ROBO1: variants seen among roughly 807,000 people sequenced by gnomAD.
ROBO1 encodes the protein roundabout homolog 1.
A neutral mutation model predicts 195.9 loss-of-function variants in ROBO1; 149 were observed. The observed-to-expected ratio is 0.76, with a 90% CI of 0.67 to 0.87. The LOEUF is 0.87. Among genes scored for constraint, ROBO1 ranks in the 40% least tolerant of loss-of-function variants. ROBO1 has a pLI of 0.00. For missense variants in ROBO1, 1,933 were observed against 2,068.3 expected (o/e 0.93, Z 1.27); for synonymous variants, 816 against 733.2 (o/e 1.11, Z -1.82).
chr3:78,889,116 G>A (rs1249645302), intron 4 of ROBO1, among the ~76,000 whole-genome samples: 1 of 152,094 alleles, frequency 6.6e-6, no homozygotes, highest in Non-Finnish European at 1.5e-5. Flanking sequence ...AAACTATTAG[G>A]ACACATTAAG....
At chr3:79,664,794 T>C (rs933708576) in intron 1 of ROBO1, among the ~76,000 whole-genome samples, 7 of 151,970 alleles carry the variant, frequency 4.6e-5, no homozygotes, top group African/African-American at 1.7e-4. Flanking sequence ...TCCGTGGAAG[T>C]GAAAACTAAC....
At chr3:79,001,983 AAC>A (rs1470616692) in intron 3 of ROBO1, among the ~76,000 whole-genome samples, 2 of 152,160 alleles carry the variant, frequency 1.3e-5, no homozygotes, top group Admixed American at 6.6e-5. Flanking sequence ...TCAATCAACA[AAC>A]AGTTATGGAG....
intron 4 of ROBO1, among the ~76,000 whole-genome samples, chr3:78,796,161 TA>T (rs1239482385): frequency 5.9e-5 from 1 of 16,820 alleles, no homozygotes; most frequent in African/African-American, 2.6e-4. Flanking sequence ...TTAAATAAAG[TA>T]ATTTAGGTAC....
intron 3 of ROBO1, among the ~76,000 whole-genome samples, chr3:79,064,279 T>C (rs1359783281): frequency 6.6e-6 from 1 of 151,938 alleles, no homozygotes; most frequent in Non-Finnish European, 1.5e-5. Context: ...TTTTTCAGTA[T>C]TCCACAGAGA....
chr3:78,748,389 G>A (rs549601641), intron 4 of ROBO1, among the ~76,000 whole-genome samples: 2 of 152,122 alleles, frequency 1.3e-5, no homozygotes, highest in African/African-American at 4.8e-5. Context: ...CGGTTGTGGT[G>A]AGCTGAGATC....
chr3:78,747,201 C>T (rs2108285589), intron 4 of ROBO1, among the ~76,000 whole-genome samples: 1 of 152,234 alleles, frequency 6.6e-6, no homozygotes, highest in Non-Finnish European at 1.5e-5. Flanking sequence ...TCTTTTCTGC[C>T]TGCTGCCTAC....
In ROBO1 at chr3:79,085,072, C is replaced by G. The variant is rs113588009; in HGVS notation, c.172+40384G>C. Among the ~76,000 whole-genome samples, 1,488 of 152,074 alleles carry G rather than the reference C, an allele frequency of 9.8e-3. 31 individuals carry two copies. The highest frequency in any genetic ancestry group is 0.034 in the African/African-American group (1,403 of 41,486). The stretch of plus-strand genomic sequence containing the variant: ...TGATTTCAAGACATATATTTTTGCA[C>G]AAAATGAAGAGACACTGTTTGAGAA... On this transcript the variant is annotated intron_variant, in intron 3 of 30. Coordinates refer to ENST00000464233, the MANE Select transcript of ROBO1 (RefSeq NM_002941.4).
intron 3 of ROBO1, among the ~76,000 whole-genome samples, chr3:79,094,031 G>A (rs1358275820): frequency 6.6e-6 from 1 of 152,056 alleles, no homozygotes; most frequent in Non-Finnish European, 1.5e-5. Flanking sequence ...CACCATATGT[G>A]TAACCAAATT....
intron 10 of ROBO1, among the ~76,000 whole-genome samples, chr3:78,672,071 C>T (rs2107724920): frequency 1.3e-5 from 2 of 152,248 alleles, no homozygotes; most frequent in Middle Eastern, 3.4e-3. Flanking sequence ...CTCTAAGCCT[C>T]AGTTTTGTAT....
Position 78,673,562 on chromosome 3 carries a change from TTATATATATATA to T in ROBO1, c.1343-3273_1343-3262del, listed in dbSNP as rs1166250669. On this transcript the variant is annotated intron_variant, in intron 10 of 30. Transcript: ENST00000464233. ...ATATTACAGCTAGGTTACATATATTTTATATATATATATATATATATATATATATATATATAT... is the reference window on the plus strand; with the variant it reads ...ATATTACAGCTAGGTTACATATATTTTATATATATATATATATATATATAT... 9.6e-4 allele frequency among the ~76,000 whole-genome samples: 61 copies of T among 63,374 alleles called. 1 individual carries two copies. Among genetic ancestry groups the T allele is most frequent in the East Asian group, 3.9e-3 (11 of 2,846 alleles). The allele number at this position is 63,374 out of a possible 152,430, so 41.6% of individuals were successfully genotyped here.
intron 2 of ROBO1, among the ~76,000 whole-genome samples, chr3:79,147,897 G>T (rs753153896): frequency 5.9e-4 from 89 of 151,668 alleles, no homozygotes; most frequent in Admixed American, 9.2e-4. Flanking sequence ...AGATTTTTTT[G>T]TTGTTGTTGT....
intron 2 of ROBO1, among the ~76,000 whole-genome samples, chr3:79,412,874 A>ATTCTTTTTTTTT: frequency 2.6e-5 from 1 of 38,338 alleles, no homozygotes; most frequent in Non-Finnish European, 4.3e-5. Context: ...TCATGAGCTG[A>ATTCTTTTTTTTT]TTTTTTTTTT....
intron 2 of ROBO1, among the ~76,000 whole-genome samples, chr3:79,225,937 C>T (rs2082220267): frequency 6.6e-6 from 1 of 152,118 alleles, no homozygotes; most frequent in Non-Finnish European, 1.5e-5. Context: ...TCTCCCATCT[C>T]AACCCTCAGT....
At chr3:78,948,099 A>G (rs553324557) in intron 3 of ROBO1, among the ~76,000 whole-genome samples, 4,198 of 151,612 alleles carry the variant, frequency 0.028, 204 homozygotes, top group African/African-American at 0.097. Flanking sequence ...GAGGTAGAAA[A>G]AGGAGCTGGT....
intron 4 of ROBO1, among the ~76,000 whole-genome samples, chr3:78,849,240 A>G (rs1429009570): frequency 1.3e-5 from 2 of 152,164 alleles, no homozygotes; most frequent in African/African-American, 4.8e-5. Context: ...TGAAATTATA[A>G]AAGTTTAAGG....
At chr3:79,613,130 T>TG (rs139545171) in intron 1 of ROBO1, among the ~76,000 whole-genome samples, 131,720 of 151,818 alleles carry the variant, frequency 0.87, 57,195 homozygotes, top group East Asian at 0.9. Flanking sequence ...TCAAAAGGAC[T>TG]GGGAAAGACT....
intron 2 of ROBO1, among the ~76,000 whole-genome samples, chr3:79,442,894 A>C (rs2039108670): frequency 1.3e-5 from 2 of 152,140 alleles, no homozygotes; most frequent in African/African-American, 4.8e-5. Context: ...ATTGTAGACA[A>C]GTTTTGATTG....
chr3:79,737,151 A>G (rs1012807080), intron 1 of ROBO1, among the ~76,000 whole-genome samples: 2 of 152,174 alleles, frequency 1.3e-5, no homozygotes, highest in Admixed American at 1.3e-4. Context: ...ACAACCCAAA[A>G]TATAGACAAT....
chr3:78,732,323 T>A (rs2082303270), intron 5 of ROBO1, among the ~76,000 whole-genome samples: 1 of 151,810 alleles, frequency 6.6e-6, no homozygotes, highest in African/African-American at 2.4e-5. Flanking sequence ...ACATTGAAGT[T>A]CCCCCTTCCA....
Sources: gnomAD v4.1 joint callset for allele counts (sites outside exome capture counted in the v4.1 genomes callset) on GRCh38, gnomAD v4.1.1 for gene constraint, MANE v1.5 for transcripts, NCBI Gene and HGNC (gene_info 2026-07-23, HGNC 2026-07-21) for gene names.